Variants in DPH6 observed in about 807,000 individuals in gnomAD.
The protein encoded by DPH6 is diphthine--ammonia ligase.
In DPH6, 33 loss-of-function variants were observed where a neutral mutation model predicts 38.2. The observed-to-expected ratio is 0.86, with a 90% CI of 0.65 to 1.15. The LOEUF is 1.15. Among genes scored for constraint, DPH6 ranks in the 50% most tolerant of loss-of-function variants. The pLI is 0.00. For missense variants in DPH6, 325 were observed against 320.0 expected (o/e 1.02, Z -0.12); for synonymous variants, 108 against 103.0 (o/e 1.05, Z -0.30).
intron 3 of DPH6, among the ~76,000 whole-genome samples, chr15:35,530,892 A>G (rs1393852185): frequency 6.6e-6 from 1 of 152,168 alleles, no homozygotes; most frequent in Non-Finnish European, 1.5e-5. Context: ...TCCAATGCCA[A>G]TTCTTCCTGT....
chr15:35,152,012 A>G, the DPH6 span, among the ~76,000 whole-genome samples: 395 of 152,306 alleles, frequency 2.6e-3, 1 homozygote, highest in African/African-American at 9.2e-3. Context: ...TGGGTAAATA[A>G]TTATCTTACT....
At chr15:35,467,674 TC>T (rs1459190000) in intron 3 of DPH6, among the ~76,000 whole-genome samples, 2 of 152,110 alleles carry the variant, frequency 1.3e-5, no homozygotes, top group African/African-American at 4.8e-5. Context: ...CTACATATCA[TC>T]CCACCGGAAG....
At chr15:35,365,266 T>A (rs1233511173) in intron 3 of DPH6, among the ~76,000 whole-genome samples, 7 of 152,124 alleles carry the variant, frequency 4.6e-5, no homozygotes, top group African/African-American at 1.7e-4. Context: ...ACACATCTAA[T>A]GTATTTTTAT....
At chr15:35,519,985 GGTAA>G (rs1468384999) in intron 3 of DPH6, 1 of 151,732 alleles carries the variant, frequency 6.6e-6, no homozygotes, top group African/African-American at 2.4e-5. Flanking sequence ...TCATGAGAAA[GGTAA>G]GTAATCATAG....
At chr15:35,401,811 G>T (rs1454804638) in intron 6 of DPH6, 1 of 582,446 alleles carries the variant, frequency 1.7e-6, no homozygotes, top group African/African-American at 1.8e-5. Context: ...GAGAGCCAGA[G>T]AAGTTGACAG....
intron 5 of DPH6, among the ~76,000 whole-genome samples, chr15:35,440,805 T>C (rs1005771964): frequency 6.6e-6 from 1 of 152,076 alleles, no homozygotes; most frequent in African/African-American, 2.4e-5. Context: ...CATTGACAAA[T>C]GGGATCTAAT....
intron 5 of DPH6, among the ~76,000 whole-genome samples, chr15:35,444,021 C>G (rs749528009): frequency 6.6e-6 from 1 of 152,086 alleles, no homozygotes; most frequent in Non-Finnish European, 1.5e-5. Flanking sequence ...GTTCCAAGAC[C>G]ATCAGAACAG....
intron 3 of DPH6, among the ~76,000 whole-genome samples, chr15:35,255,124 G>A (rs2051698869): frequency 6.6e-6 from 1 of 152,188 alleles, no homozygotes. Context: ...GTAAAAAAGT[G>A]AGCTTGCCTT....
intron 3 of DPH6, among the ~76,000 whole-genome samples, chr15:35,345,681 T>C (rs1291683994): frequency 1.3e-5 from 2 of 151,966 alleles, no homozygotes; most frequent in Admixed American, 6.6e-5. Flanking sequence ...GAGACTGATT[T>C]ATAATGTTCC....
At chr15:35,374,445 T>C (rs758725305) in intron 7 of DPH6, among the ~76,000 whole-genome samples, 3 of 152,096 alleles carry the variant, frequency 2.0e-5, no homozygotes, top group Non-Finnish European at 2.9e-5. Context: ...TTGTCGCTAA[T>C]GTAAAAATAT....
intron 6 of DPH6, 46 bp from the exon 7 acceptor site, chr15:35,381,962 G>T: frequency 1.4e-6 from 2 of 1,449,582 alleles, no homozygotes; most frequent in Middle Eastern, 1.7e-4. Context: ...TTTAAAATTA[G>T]ACAGCATAAA....
Position 35,269,794 on chromosome 15 carries a change from T to C in DPH6, n.201-49212A>G, listed in dbSNP as rs530314051. ...CACATTGTTAAGGGTGTGTTTCTTTTTTTTTTTTTTTTTTGAGACGGAGTC... is the reference window on the plus strand; with the variant it reads ...CACATTGTTAAGGGTGTGTTTCTTTCTTTTTTTTTTTTTTGAGACGGAGTC... On this transcript the variant is annotated intron_variant and non_coding_transcript_variant, in intron 3 of 3. Transcript: ENST00000560386. 3.3e-3 allele frequency among the ~76,000 whole-genome samples: 479 copies of C among 145,756 alleles called. 4 individuals are homozygous for C. The highest frequency in any genetic ancestry group is 0.011 in the African/African-American group (457 of 39,802).
intron 3 of DPH6, among the ~76,000 whole-genome samples, chr15:35,255,248 GA>G (rs1351253188): frequency 1.3e-5 from 2 of 152,170 alleles, no homozygotes; most frequent in Admixed American, 6.5e-5. Flanking sequence ...TTAACATAAT[GA>G]AAAGAAGGTT....
At chr15:35,446,229 CTTTT>C (rs71123132) in intron 5 of DPH6, among the ~76,000 whole-genome samples, 3 of 95,030 alleles carry the variant, frequency 3.2e-5, no homozygotes, top group Non-Finnish European at 6.2e-5. Context: ...TTTTTTTTTC[CTTTT>C]TTTTTTTTTT....
intron 3 of DPH6, among the ~76,000 whole-genome samples, chr15:35,336,315 C>G (rs1193305277): frequency 6.6e-6 from 1 of 151,892 alleles, no homozygotes; most frequent in African/African-American, 2.4e-5. Flanking sequence ...ACCAATCAGA[C>G]GAAGATTTGG....
At chr15:35,237,951 G>A in intron 3 of DPH6, 2 of 1,419,478 alleles carry the variant, frequency 1.4e-6, no homozygotes, top group African/African-American at 2.8e-5. Context: ...GATGAAAAAG[G>A]TTATAACGAT....
chr15:35,394,984 CATGTCAATTGTG>C (rs1418756200), intron 6 of DPH6, among the ~76,000 whole-genome samples: 1 of 140,454 alleles, frequency 7.1e-6, no homozygotes, highest in African/African-American at 2.9e-5. Context: ...TTAGCCTGAA[CATGTCAATTGTG>C]CTCCATCTGA....
chr15:35,247,850 C>A (rs1012846076), intron 3 of DPH6, among the ~76,000 whole-genome samples: 1 of 152,094 alleles, frequency 6.6e-6, no homozygotes, highest in African/African-American at 2.4e-5. Context: ...GGTAAAAGGT[C>A]AAAGCAACTA....
chr15:35,470,224 T>C (rs1050412680), intron 3 of DPH6, among the ~76,000 whole-genome samples: 5 of 151,492 alleles, frequency 3.3e-5, no homozygotes, highest in Non-Finnish European at 7.4e-5. Context: ...GGTAAATAAA[T>C]GACAAACAAA....
Sources: allele counts gnomAD v4.1 joint callset (sites outside exome capture counted in the v4.1 genomes callset), GRCh38; gene constraint gnomAD v4.1.1; transcripts MANE v1.5; gene names NCBI Gene and HGNC (gene_info 2026-07-23, HGNC 2026-07-21).